PAMR1: variants seen among roughly 807,000 people sequenced by gnomAD.
The protein encoded by PAMR1 is inactive serine protease PAMR1.
Under a neutral mutation model 81.8 loss-of-function variants are expected in PAMR1, and 88 were observed. The ratio of observed to expected loss-of-function variants is 1.08; its 90% CI spans 0.91 to 1.28. The LOEUF is 1.28. Ranked by LOEUF, PAMR1 falls within the 50% of genes most tolerant of loss-of-function variation. The pLI, the probability that PAMR1 is intolerant of heterozygous loss-of-function variation, is 0.00. For missense variants in PAMR1, 935 were observed against 919.7 expected (o/e 1.02, Z -0.21); for synonymous variants, 336 against 345.3 (o/e 0.97, Z 0.30).
intron 6 of PAMR1, among the ~76,000 whole-genome samples, chr11:35,445,586 T>TTAGA (rs3049537): frequency 0.37 from 55,460 of 151,728 alleles, 10,447 homozygotes; most frequent in African/African-American, 0.46. Context: ...CTGTGTCTAT[T>TTAGA]TAATCATGTT....
chr11:35,452,262 C>A (rs1856435041), intron 6 of PAMR1, among the ~76,000 whole-genome samples: 1 of 151,860 alleles, frequency 6.6e-6, no homozygotes, highest in Non-Finnish European at 1.5e-5. Flanking sequence ...TCAGATACCA[C>A]TGAAGAGTAT....
At chr11:35,517,343 T>C (rs1851184124) in intron 1 of PAMR1, among the ~76,000 whole-genome samples, 1 of 152,230 alleles carries the variant, frequency 6.6e-6, no homozygotes. Context: ...TCAGACTTCC[T>C]ACTCATACCT....
chr11:35,486,989 G>A (rs1455407860), intron 3 of PAMR1, among the ~76,000 whole-genome samples: 1 of 152,106 alleles, frequency 6.6e-6, no homozygotes, highest in Non-Finnish European at 1.5e-5. Context: ...AGTGTGATGT[G>A]CGCAGAGGCC....
intron 1 of PAMR1, among the ~76,000 whole-genome samples, chr11:35,501,133 C>CTT (rs34831742): frequency 1.0e-4 from 14 of 135,590 alleles, no homozygotes; most frequent in Non-Finnish European, 2.1e-4. Context: ...CTTTTTTTTT[C>CTT]TTTTTTTTTT....
intron 1 of PAMR1, among the ~76,000 whole-genome samples, chr11:35,502,141 C>A (rs1052490707): frequency 8.6e-5 from 13 of 152,018 alleles, no homozygotes; most frequent in African/African-American, 3.1e-4. Flanking sequence ...TATCTCATGG[C>A]GGTTTTCATT....
intron 1 of PAMR1, among the ~76,000 whole-genome samples, chr11:35,504,472 G>A (rs1398752064): frequency 6.6e-6 from 1 of 152,068 alleles, no homozygotes; most frequent in African/African-American, 2.4e-5. Flanking sequence ...TTCTTTAAAT[G>A]TTTGGTAGAA....
chr11:35,452,746 G>A (rs887552298), intron 6 of PAMR1, among the ~76,000 whole-genome samples: 7 of 152,146 alleles, frequency 4.6e-5, no homozygotes, highest in South Asian at 4.1e-4. Context: ...TCCCTGCCAA[G>A]TGTCTAAATC....
intron 1 of PAMR1, among the ~76,000 whole-genome samples, chr11:35,497,183 T>A (rs112668520): frequency 0.029 from 4,360 of 151,768 alleles, 200 homozygotes; most frequent in African/African-American, 0.1. Flanking sequence ...ATAGTAATAA[T>A]AACAAATAAT....
intron 6 of PAMR1, among the ~76,000 whole-genome samples, chr11:35,448,240 C>T (rs2135350376): frequency 6.6e-6 from 1 of 152,294 alleles, no homozygotes; most frequent in Admixed American, 6.5e-5. Flanking sequence ...AGTATGTTTT[C>T]TAGCATGGCT....
chr11:35,495,389 CT>C (rs1207544397), intron 1 of PAMR1, among the ~76,000 whole-genome samples: 1 of 151,362 alleles, frequency 6.6e-6, no homozygotes, highest in African/African-American at 2.4e-5. Flanking sequence ...TTCTCATTTT[CT>C]TTTTTTATAT....
rs1181843107 is a variant in PAMR1 at position 35,436,126 on chromosome 11, T to C, written c.1110A>G (p.Pro370=). 8 of 1,612,484 alleles carry C rather than the reference T, an allele frequency of 5.0e-6. No homozygotes were observed. Residue 370 remains proline (P), a synonymous_variant, in exon 9 of 11, where the codon CCA becomes CCG. Coordinates refer to ENST00000619888, the MANE Select transcript of PAMR1 (RefSeq NM_001001991.3). ...LPMQVQSRET[P]LHQLYSAAFS... ...AGGCCGCTGAGTATAGCTGGTGTAA[T>C]GGTGTCTCCCTGGGTCAGGAAACAT...
intron 3 of PAMR1, among the ~76,000 whole-genome samples, chr11:35,488,669 C>CTTTTTTTTTTTTTTTTTTTT (rs34053329): frequency 2.3e-5 from 1 of 42,936 alleles, no homozygotes; most frequent in African/African-American, 8.7e-5. Context: ...CAAATCTTGC[C>CTTTTTTTTTTTTTTTTTTTT]TTTTTTTTTT....
intron 3 of PAMR1, 51 bp from the exon 4 acceptor site, chr11:35,474,795 G>A (rs1850257170): frequency 4.0e-6 from 5 of 1,250,370 alleles, no homozygotes; most frequent in Non-Finnish European, 5.8e-6. Context: ...CAATAGGAAA[G>A]AGACTAGAGA....
chr11:35,521,845 G>GTTGT (rs1851286257), intron 1 of PAMR1, among the ~76,000 whole-genome samples: 1 of 152,104 alleles, frequency 6.6e-6, no homozygotes, highest in Non-Finnish European at 1.5e-5. Context: ...TGCCAGTGTA[G>GTTGT]TTGTTTATTT....
rs1489225391 is a variant in PAMR1, at chr11:35,494,115, G to C, written c.231C>G (p.Asp77Glu). The C allele has an allele frequency of 6.2e-7, 1 of 1,614,094 alleles. No individual in the cohort carries two copies. The highest frequency in any genetic ancestry group is 8.5e-7 in the Non-Finnish European group (1 of 1,179,938). ...ACTCACCTGGGTGGATCAGGCAGGA[G>C]TCACACTCATTCTCCTCATTCCTGC... ...PCCRNEENEC[D>E]SCLIHPGCTI... is the part of the protein sequence containing the mutation. Residue 77 changes from aspartate to glutamate, a missense_variant, in exon 2 of 11, where the codon GAC (aspartate) becomes GAG (glutamate). Asp to Glu is a conservative substitution (Grantham distance 45). Transcript: ENST00000619888.
chr11:35,452,698 T>C (rs1305725216), intron 6 of PAMR1, among the ~76,000 whole-genome samples: 1 of 152,226 alleles, frequency 6.6e-6, no homozygotes, highest in Non-Finnish European at 1.5e-5. Flanking sequence ...TTGTTGTTTC[T>C]GGGGTTAAGT....
intron 1 of PAMR1, among the ~76,000 whole-genome samples, chr11:35,508,241 C>T (rs922295979): frequency 6.6e-6 from 1 of 152,100 alleles, no homozygotes; most frequent in Non-Finnish European, 1.5e-5. Flanking sequence ...TCAGTTTTTC[C>T]AGTGTAGAAA....
chr11:35,443,080 T>A (rs558387077), intron 6 of PAMR1, among the ~76,000 whole-genome samples: 1 of 152,252 alleles, frequency 6.6e-6, no homozygotes, highest in African/African-American at 2.4e-5. Context: ...ACCTTTTCTG[T>A]CTCCTCTTCT....
intron 6 of PAMR1, among the ~76,000 whole-genome samples, chr11:35,449,579 A>G (rs1233329915): frequency 6.6e-6 from 1 of 152,118 alleles, no homozygotes; most frequent in East Asian, 1.9e-4. Context: ...AGCAGGGGAA[A>G]ATGGCCAACT....
Sources: allele counts gnomAD v4.1 joint callset (sites outside exome capture counted in the v4.1 genomes callset), GRCh38; gene constraint gnomAD v4.1.1; transcripts MANE v1.5; gene names NCBI Gene and HGNC (gene_info 2026-07-23, HGNC 2026-07-21).